Variants in GALNTL6 observed in about 807,000 individuals in gnomAD.
GALNTL6 encodes the protein polypeptide N-acetylgalactosaminyltransferase like 6.
Under a neutral mutation model 73.7 loss-of-function variants are expected in GALNTL6, and 46 were observed. The ratio of observed to expected loss-of-function variants is 0.62; its 90% CI spans 0.49 to 0.80. The LOEUF is 0.80. Among genes scored for constraint, GALNTL6 ranks in the 30% least tolerant of loss-of-function variants. The pLI is 0.00. For missense variants in GALNTL6, 604 were observed against 755.0 expected (o/e 0.80, Z 2.34); for synonymous variants, 259 against 263.7 (o/e 0.98, Z 0.17).
rs151281441 is a variant in GALNTL6 at position 172,813,650 on chromosome 4, G to A, written c.850G>A (p.Asp284Asn). 5.0e-6 allele frequency: 8 copies of A among 1,613,336 alleles called. No homozygotes were observed. The highest frequency in any genetic ancestry group is 4.0e-5 in the African/African-American group (3 of 74,848). ...TGGGGATGCCATGCGAGGAGCCTTC[G>A]ACTGGGAAATGTACTACAAAAGAAT... ...QAGDAMRGAF[D>N]WEMYYKRIPI... Residue 284 changes from aspartate to asparagine, a missense_variant, in exon 7 of 13, where the codon GAC becomes AAC. Around this residue, in one of 5 missense-constraint regions of GALNTL6, gnomAD observed 179 missense variants for 230.8 expected, o/e 0.78. Coordinates refer to ENST00000506823, the MANE Select transcript of GALNTL6 (RefSeq NM_001034845.3).
chr4:172,810,214 T>G (rs959959688), intron 6 of GALNTL6, among the ~76,000 whole-genome samples: 2 of 152,144 alleles, frequency 1.3e-5, no homozygotes, highest in Admixed American at 1.3e-4. Context: ...GAAAGAAGAT[T>G]ATGTCATAAC....
At chr4:171,850,467 G>T (rs945707506) in intron 2 of GALNTL6, among the ~76,000 whole-genome samples, 1 of 152,140 alleles carries the variant, frequency 6.6e-6, no homozygotes, top group Non-Finnish European at 1.5e-5. Context: ...TCAGCATCTG[G>T]TGGGACTGTA....
At chr4:172,757,024 A>G (rs1737792940) in intron 5 of GALNTL6, among the ~76,000 whole-genome samples, 1 of 152,228 alleles carries the variant, frequency 6.6e-6, no homozygotes, top group Non-Finnish European at 1.5e-5. Context: ...CTTAGCAAAG[A>G]TCCTGGAGAG....
At chr4:172,884,438 A>G (rs1745615472) in intron 8 of GALNTL6, among the ~76,000 whole-genome samples, 1 of 152,118 alleles carries the variant, frequency 6.6e-6, no homozygotes, top group Non-Finnish European at 1.5e-5. Flanking sequence ...ATGTCTATTC[A>G]TGTATTATGC....
chr4:173,010,915 T>G (rs911533003), intron 11 of GALNTL6, among the ~76,000 whole-genome samples: 2 of 152,102 alleles, frequency 1.3e-5, no homozygotes, highest in Non-Finnish European at 2.9e-5. Context: ...AATTTTTAGT[T>G]TTTTGAGGAA....
At chr4:172,052,723 A>T (rs1324123965) in intron 2 of GALNTL6, among the ~76,000 whole-genome samples, 1 of 152,114 alleles carries the variant, frequency 6.6e-6, no homozygotes, top group Non-Finnish European at 1.5e-5. Context: ...AATTGATTCA[A>T]CCTGACTTCC....
Position 172,069,583 on chromosome 4 carries a change from T to TGTTATA in GALNTL6, c.139-160073_139-160072insGTTATA, listed in dbSNP as rs776675339. The stretch of plus-strand genomic sequence containing the variant: ...ATATATAACACATATATGTTATATA[T>TGTTATA]TATATATATAACACATATATGTTAT... On this transcript the variant is annotated intron_variant, in intron 2 of 12. Coordinates refer to ENST00000506823, the MANE Select transcript of GALNTL6 (RefSeq NM_001034845.3). Among the ~76,000 whole-genome samples, 14 of 52,026 alleles carry TGTTATA rather than the reference T, an allele frequency of 2.7e-4. 2 individuals carry two copies. The East Asian group carries it at 3.2e-3, about 12-fold the overall frequency. The allele number at this position is 52,026 out of a possible 152,430, so 34.1% of individuals were successfully genotyped here. A position where few individuals can be genotyped will look rare whatever the true frequency, so the allele number is the denominator to read the frequency against.
At chr4:172,896,202 C>T (rs1456467014) in intron 8 of GALNTL6, among the ~76,000 whole-genome samples, 1 of 152,156 alleles carries the variant, frequency 6.6e-6, no homozygotes, top group African/African-American at 2.4e-5. Context: ...AATGTCTACA[C>T]ATTGAGGGAT....
chr4:172,813,981 G>A (rs1741459591), intron 7 of GALNTL6, among the ~76,000 whole-genome samples: 1 of 152,082 alleles, frequency 6.6e-6, no homozygotes, highest in African/African-American at 2.4e-5. Context: ...TGCATAAACA[G>A]AAAATACATA....
At chr4:171,980,831 T>G (rs957051561) in intron 2 of GALNTL6, among the ~76,000 whole-genome samples, 1 of 152,162 alleles carries the variant, frequency 6.6e-6, no homozygotes, top group African/African-American at 2.4e-5. Context: ...TATTGGAGGA[T>G]TTCATTAAAA....
chr4:172,908,898 T>A (rs867026431), intron 8 of GALNTL6, among the ~76,000 whole-genome samples: 3 of 151,878 alleles, frequency 2.0e-5, no homozygotes, highest in African/African-American at 7.2e-5. Context: ...GGTAATAATT[T>A]TTTTAGCTAA....
At chr4:172,981,967 G>C (rs1199158253) in intron 10 of GALNTL6, among the ~76,000 whole-genome samples, 1 of 151,824 alleles carries the variant, frequency 6.6e-6, no homozygotes, top group Non-Finnish European at 1.5e-5. Context: ...GGCTAATTTT[G>C]TATTTTTAGT....
intron 2 of GALNTL6, among the ~76,000 whole-genome samples, chr4:172,162,490 T>C (rs1734502121): frequency 6.6e-6 from 1 of 152,152 alleles, no homozygotes; most frequent in East Asian, 1.9e-4. Flanking sequence ...TTTATTTATT[T>C]ATTCACTCAT....
At chr4:173,006,617 T>C (rs1752308720) in intron 10 of GALNTL6, among the ~76,000 whole-genome samples, 1 of 152,154 alleles carries the variant, frequency 6.6e-6, no homozygotes, top group African/African-American at 2.4e-5. Flanking sequence ...AAGGAAGGTG[T>C]AGTAAAGGTA....
At chr4:172,762,311 T>C (rs1350550830) in intron 5 of GALNTL6, among the ~76,000 whole-genome samples, 1 of 152,200 alleles carries the variant, frequency 6.6e-6, no homozygotes, top group African/African-American at 2.4e-5. Flanking sequence ...AGACACCGAA[T>C]TATATAAATG....
rs1003811064 is a variant in GALNTL6, at chr4:171,813,527, C to G, written c.-633C>G. 8 of 152,542 alleles carry G rather than the reference C, an allele frequency of 5.2e-5. No individual in the cohort carries two copies. The highest frequency in any genetic ancestry group is 1.9e-4 in the African/African-American group (8 of 41,484). The allele number at this position is 152,542 out of a possible 1,614,324, so 9.4% of individuals were successfully genotyped here. On this transcript the variant is annotated 5_prime_UTR_variant, in exon 1 of 13. Transcript: ENST00000506823. This position sits in a 1 kb window ranked among gnomAD's most constrained non-coding sequence, Gnocchi z 5.2. ...CGCAGCGCCCTCGTCCGCTTCCAAG[C>G]CCAGCACAGACTTCGGTTTCTCCGC...
At chr4:172,784,512 GT>G (rs1739545803) in intron 5 of GALNTL6, among the ~76,000 whole-genome samples, 1 of 152,064 alleles carries the variant, frequency 6.6e-6, no homozygotes, top group Non-Finnish European at 1.5e-5. Flanking sequence ...GTGGTCAAAA[GT>G]CTAGAATGGG....
chr4:171,862,132 C>A (rs1441688597), intron 2 of GALNTL6, among the ~76,000 whole-genome samples: 1 of 152,146 alleles, frequency 6.6e-6, no homozygotes, highest in Non-Finnish European at 1.5e-5. Flanking sequence ...CATTGCAATT[C>A]ACAAGTTCTA....
At chr4:172,089,617 A>G (rs72988345) in intron 2 of GALNTL6, among the ~76,000 whole-genome samples, 7,589 of 152,264 alleles carry the variant, frequency 0.05, 587 homozygotes, top group African/African-American at 0.17. Context: ...AAAAAAACTC[A>G]AAAGCAAATG....
Sources: gnomAD v4.1 joint callset for allele counts (sites outside exome capture counted in the v4.1 genomes callset) on GRCh38, gnomAD v4.1.1 for gene constraint, gnomAD v4.1.1 regional missense constraint, Gnocchi (gnomAD v3.1) non-coding constraint, MANE v1.5 for transcripts, NCBI Gene and HGNC (gene_info 2026-07-23, HGNC 2026-07-21) for gene names.